Variants in SLCO3A1 observed in about 807,000 individuals in gnomAD.
The protein encoded by SLCO3A1 is PGE1 transporter.
SLCO3A1 carries 27 observed loss-of-function variants against 63.1 expected under a neutral mutation model. The ratio of observed to expected loss-of-function variants is 0.43; its 90% CI spans 0.32 to 0.59. The LOEUF (loss-of-function observed/expected upper bound fraction) is 0.59. Ranked by LOEUF, SLCO3A1 falls within the 20% of genes least tolerant of loss-of-function variation. SLCO3A1 has a pLI of 0.09. For missense variants in SLCO3A1, 773 were observed against 945.8 expected (o/e 0.82, Z 2.40); for synonymous variants, 473 against 409.9 (o/e 1.15, Z -1.86).
chr15:92,010,993 C>T (rs564353961), intron 2 of SLCO3A1, among the ~76,000 whole-genome samples: 27 of 152,226 alleles, frequency 1.8e-4, no homozygotes, highest in Non-Finnish European at 3.7e-4. Flanking sequence ...GCAGCCAGTG[C>T]GATCCTGCTA....
At chr15:91,984,173 T>G (rs1230793789) in intron 2 of SLCO3A1, among the ~76,000 whole-genome samples, 1 of 152,228 alleles carries the variant, frequency 6.6e-6, no homozygotes, top group Non-Finnish European at 1.5e-5. Context: ...AGCCATGAGT[T>G]GCAGGGTCCA....
chr15:91,939,098 G>T (rs1319187241), intron 2 of SLCO3A1, among the ~76,000 whole-genome samples: 1 of 152,024 alleles, frequency 6.6e-6, no homozygotes, highest in Admixed American at 6.6e-5. Flanking sequence ...AGGTTTAATT[G>T]GCTTATGGTA....
chr15:91,982,746 G>A (rs79266997), intron 2 of SLCO3A1, among the ~76,000 whole-genome samples: 38 of 152,374 alleles, frequency 2.5e-4, no homozygotes, highest in African/African-American at 9.1e-4. Context: ...GGCTAAGATG[G>A]GTGGGAGGAC....
chr15:92,027,364 C>A (rs1419726005), intron 2 of SLCO3A1, among the ~76,000 whole-genome samples: 1 of 152,236 alleles, frequency 6.6e-6, no homozygotes, highest in Non-Finnish European at 1.5e-5. Flanking sequence ...AGGCTAATGC[C>A]TTTACATACG....
At chr15:92,110,997 G>A (rs371664655) in intron 4 of SLCO3A1, among the ~76,000 whole-genome samples, 1 of 152,184 alleles carries the variant, frequency 6.6e-6, no homozygotes, top group Admixed American at 6.5e-5. Context: ...TGCCAGCCCT[G>A]GTGCCAAAAC....
chr15:91,911,035 T>C (rs149684287), intron 1 of SLCO3A1, among the ~76,000 whole-genome samples: 61 of 152,334 alleles, frequency 4.0e-4, no homozygotes, highest in African/African-American at 1.3e-3. Context: ...AAGGTGAGGA[T>C]GGGCTCATGA....
chr15:92,125,803 C>T (rs1412535350), intron 5 of SLCO3A1, among the ~76,000 whole-genome samples: 1 of 151,740 alleles, frequency 6.6e-6, no homozygotes, highest in African/African-American at 2.4e-5. Flanking sequence ...CTGAGGGTGC[C>T]CCACTTAGCA....
rs73530637 is a variant in SLCO3A1, at chr15:91,928,637, G to A, written c.646+12179G>A. 8.5e-3 allele frequency among the ~76,000 whole-genome samples: 1,290 copies of A among 152,290 alleles called. 18 individuals carry two copies. Among genetic ancestry groups the A allele is most frequent in the African/African-American group, 0.029 (1,223 of 41,562 alleles). On this transcript the variant is annotated intron_variant, in intron 2 of 9. Transcript: ENST00000318445. ...CTTTCTCAGTATAGTACCCACCTGCGGTGCTTTGTCATTTTAGCTGTAAAG... is the reference window on the plus strand; with the variant it reads ...CTTTCTCAGTATAGTACCCACCTGCAGTGCTTTGTCATTTTAGCTGTAAAG...
intron 7 of SLCO3A1, among the ~76,000 whole-genome samples, chr15:92,145,573 A>C (rs1408072962): frequency 2.0e-5 from 3 of 152,030 alleles, no homozygotes; most frequent in Non-Finnish European, 4.4e-5. Flanking sequence ...GCCCTGCAGG[A>C]CTTGGAAGGA....
chr15:92,041,576 C>T (rs2046797176), intron 2 of SLCO3A1, among the ~76,000 whole-genome samples: 1 of 152,192 alleles, frequency 6.6e-6, no homozygotes, highest in African/African-American at 2.4e-5. Context: ...TCAACCCGTA[C>T]ATTTTAAATG....
intron 6 of SLCO3A1, among the ~76,000 whole-genome samples, chr15:92,127,030 T>C (rs1235711406): frequency 1.3e-5 from 2 of 152,198 alleles, no homozygotes; most frequent in African/African-American, 2.4e-5. Flanking sequence ...GAAGATGCAG[T>C]GGAGCCAGGG....
At chr15:92,096,928 A>G (rs1343480968) in intron 3 of SLCO3A1, among the ~76,000 whole-genome samples, 1 of 152,184 alleles carries the variant, frequency 6.6e-6, no homozygotes, top group Non-Finnish European at 1.5e-5. Context: ...GGTAACAGGT[A>G]GGCTGGGAAG....
rs1555424455 is a variant in SLCO3A1 at position 92,016,262 on chromosome 15, A to AT, written c.647-78618dup. ...ATAGATAGATAGATAGATTAGATAG[A>AT]TAGATAGATAGATAGATAGATGTTA... On this transcript the variant is annotated intron_variant, in intron 2 of 9. Coordinates refer to ENST00000318445, the MANE Select transcript of SLCO3A1 (RefSeq NM_013272.4). 4.8e-3 allele frequency among the ~76,000 whole-genome samples: 537 copies of AT among 112,822 alleles called. 5 individuals are homozygous for AT. Among genetic ancestry groups the AT allele is most frequent in the African/African-American group, 0.013 (387 of 30,100 alleles). 74.0% of individuals were successfully genotyped at this position (112,822 alleles called of 152,430 possible).
chr15:92,140,599 A>G (rs150307280), intron 7 of SLCO3A1, among the ~76,000 whole-genome samples: 434 of 152,220 alleles, frequency 2.9e-3, no homozygotes, highest in African/African-American at 0.01. Context: ...TCCCATTATT[A>G]ATGTGTGGGA....
In SLCO3A1 at chr15:92,156,264, T is replaced by C. The variant is rs567121897; in HGVS notation, c.1753+5250T>C. Among the ~76,000 whole-genome samples the C allele has an allele frequency of 3.3e-5, 5 of 152,308 alleles. No individual in the cohort carries two copies. The South Asian group carries it at 1.0e-3, about 32-fold the overall frequency. ...GAGTGAGATACGGCGGTGGGATGCA[T>C]GGAAGACCCCTTCCACTTGCCTACA... On this transcript the variant is annotated intron_variant, in intron 9 of 9. Transcript: ENST00000318445.
downstream of SLCO3A1, among the ~76,000 whole-genome samples, chr15:92,168,830 C>T (rs1476388379): frequency 1.3e-5 from 2 of 152,200 alleles, no homozygotes; most frequent in African/African-American, 2.4e-5. Flanking sequence ...CGGATTTGAA[C>T]TGTATAGTCT....
In SLCO3A1 at chr15:92,092,545, A is replaced by C. The variant is rs557983070; in HGVS notation, c.647-2336A>C. 5.9e-5 allele frequency among the ~76,000 whole-genome samples: 9 copies of C among 152,164 alleles called. No homozygotes were observed. In the East Asian group the frequency reaches 1.4e-3, roughly 23 times the overall value. The stretch of plus-strand genomic sequence containing the variant: ...CAGTAACTCTGACTGCTGGCTTACC[A>C]CAGCCTGCAGCCTGGATGGGAGGAT... On this transcript the variant is annotated intron_variant, in intron 2 of 9. Coordinates refer to ENST00000318445, the MANE Select transcript of SLCO3A1 (RefSeq NM_013272.4).
At chr15:92,090,493 A>G (rs1025134221) in intron 2 of SLCO3A1, among the ~76,000 whole-genome samples, 17 of 152,174 alleles carry the variant, frequency 1.1e-4, no homozygotes, top group Admixed American at 4.6e-4. Flanking sequence ...TTGTCCAGCC[A>G]TCTCATCCCT....
chr15:92,015,677 A>G (rs1363442820), intron 2 of SLCO3A1, among the ~76,000 whole-genome samples: 3 of 152,128 alleles, frequency 2.0e-5, no homozygotes, highest in Non-Finnish European at 4.4e-5. Flanking sequence ...GAGTTTACAC[A>G]TGGCAGTGAG....
Sources: gnomAD v4.1 joint callset for allele counts (sites outside exome capture counted in the v4.1 genomes callset) on GRCh38, gnomAD v4.1.1 for gene constraint, MANE v1.5 for transcripts, NCBI Gene and HGNC (gene_info 2026-07-23, HGNC 2026-07-21) for gene names.